Variants in TMEM145 observed in about 807,000 individuals in gnomAD.
The protein encoded by TMEM145 is transmembrane protein 145.
TMEM145 carries 46 observed loss-of-function variants against 68.5 expected under a neutral mutation model. The observed-to-expected ratio is 0.67, with a 90% confidence interval of 0.53 to 0.86. The LOEUF (loss-of-function observed/expected upper bound fraction) is 0.86. TMEM145 is among the 40% of genes least tolerant of loss of function. The pLI, the probability that TMEM145 is intolerant of heterozygous loss-of-function variation, is 0.00. For synonymous variants in TMEM145, 255 were observed against 280.2 expected (o/e 0.91, Z 0.90); for missense variants, 570 against 645.8 (o/e 0.88, Z 1.27).
chr19:42,321,271 C>G, intron 13 of TMEM145: 1 of 394,928 alleles, frequency 2.5e-6, no homozygotes, highest in Non-Finnish European at 4.5e-6. Flanking sequence ...TGTCACTAGG[C>G]TGGAGTGCAG....
intron 14 of TMEM145, among the ~76,000 whole-genome samples, chr19:42,324,068 GC>G (rs1405740095): frequency 6.6e-6 from 1 of 151,742 alleles, no homozygotes; most frequent in East Asian, 1.9e-4. Context: ...CTCCCCGGCC[GC>G]CGCCGGAGTT....
chr19:42,323,935 G>C (rs2038938640), intron 14 of TMEM145, 146 bp downstream of exon 14: 1 of 713,004 alleles, frequency 1.4e-6, no homozygotes, highest in Non-Finnish European at 2.2e-6. Flanking sequence ...CCAACACCGC[G>C]CCGCGACCGT....
chr19:42,317,953 T>G, intron 12 of TMEM145, 72 bp downstream of exon 12: 1 of 1,541,678 alleles, frequency 6.5e-7, no homozygotes, highest in South Asian at 1.1e-5. Context: ...GCCCCCCATC[T>G]CAGACCCTCC....
At chr19:42,315,130 G>C (rs372859706) in intron 6 of TMEM145, 53 bp downstream of exon 6, 3 of 1,614,174 alleles carry the variant, frequency 1.9e-6, no homozygotes, top group Admixed American at 1.7e-5. Flanking sequence ...CCAGAGCTGG[G>C]TGCCCACTGA....
chr19:42,314,378 G>T (rs1448952509), intron 2 of TMEM145, 32 bp downstream of exon 2: 6 of 1,613,960 alleles, frequency 3.7e-6, no homozygotes, highest in Non-Finnish European at 4.2e-6. Flanking sequence ...CCATGCTGAG[G>T]CTGGGTACTT....
chr19:42,314,133 G>A, intron 1 of TMEM145, 139 bp from the exon 2 acceptor site: 1 of 827,300 alleles, frequency 1.2e-6, no homozygotes, highest in Non-Finnish European at 2.0e-6. Context: ...GATCAGGGAA[G>A]GAGTTTGGAG....
chr19:42,313,482 CT>C lies in TMEM145; in HGVS notation c.107del (p.Leu36ProfsTer10). Reference sequence around the variant, plus strand: ...CCGGGCCAAGTACGTGCGGGGCAACCTCAGTTCCAAGGAGGTGAGCATGCCG... The same window carrying C: ...CCGGGCCAAGTACGTGCGGGGCAACCCAGTTCCAAGGAGGTGAGCATGCCG... ...RARAKYVRGN[L>X]SSKEDWVFLT... On this transcript the variant is annotated frameshift_variant, in exon 1 of 15. Transcript: ENST00000301204. LOFTEE classifies it high-confidence loss of function. The surrounding 1 kb of genome is among the most constrained non-coding windows in gnomAD (Gnocchi z 5.1). 7.5e-7 allele frequency: 1 copy of C among 1,328,602 alleles called. No individual in the cohort carries two copies. 82.3% of individuals were successfully genotyped at this position (1,328,602 alleles called of 1,614,324 possible). A position where few individuals can be genotyped will look rare whatever the true frequency, so the allele number is the denominator to read the frequency against.
At position 42,323,577 on chromosome 19, in the gene TMEM145, C is replaced by T. The variant is rs571582147; in HGVS notation, c.1195-6C>T. 8 of 1,613,598 alleles carry T rather than the reference C, an allele frequency of 5.0e-6. No individual in the cohort carries two copies. In the Admixed American group the frequency reaches 8.3e-5, roughly 17 times the overall value. On this transcript the variant is annotated splice_polypyrimidine_tract_variant and splice_region_variant and intron_variant, in intron 13 of 14. Transcript: ENST00000301204. ...CTCTCACACCTGCTCCTGGCCCTGG[C>T]CTCAGATCATGACCCGCCCATCAGC...
rs1726105003 is a variant in TMEM145 at position 42,314,682 on chromosome 19, G to A, written c.343G>A (p.Ala115Thr). 6.2e-7 allele frequency: 1 copy of A among 1,614,204 alleles called. No individual in the cohort carries two copies. Among genetic ancestry groups the A allele is most frequent in the South Asian group, 1.1e-5 (1 of 91,086 alleles). Reference sequence around the variant, plus strand: ...GGTCATCAACCTCACCACCCAGTATGCCTGGTCCGGCTGTCAGGTGCAGGC... The same window carrying A: ...GGTCATCAACCTCACCACCCAGTATACCTGGTCCGGCTGTCAGGTGCAGGC... ...NQVINLTTQY[A>T]WSGCQVVSEE... The change falls in exon 4 of 15, where the codon GCC becomes ACC. Residue 115 changes from alanine to threonine, a missense_variant. Transcript: ENST00000301204.
At chr19:42,319,199 T>A (rs2147419557) in intron 12 of TMEM145, among the ~76,000 whole-genome samples, 1 of 152,316 alleles carries the variant, frequency 6.6e-6, no homozygotes, top group African/African-American at 2.4e-5. Flanking sequence ...AGCCAGACTG[T>A]CCGGGTTCAG....
In TMEM145 at chr19:42,313,504, T is replaced by C; in HGVS notation, c.120+8T>C. The C allele has an allele frequency of 7.8e-7, 1 of 1,279,746 alleles. No individual in the cohort carries two copies. 79.3% of individuals were successfully genotyped at this position (1,279,746 alleles called of 1,614,324 possible). On this transcript the variant is annotated splice_region_variant and intron_variant, in intron 1 of 14. Transcript: ENST00000301204. The surrounding 1 kb of genome is among the most constrained non-coding windows in gnomAD (Gnocchi z 5.1). The stretch of plus-strand genomic sequence containing the variant: ...AACCTCAGTTCCAAGGAGGTGAGCA[T>C]GCCGAGCCCTCCTCTGCGGCCCGCC...
At chr19:42,318,798 T>C (rs1244344769) in intron 12 of TMEM145, among the ~76,000 whole-genome samples, 1 of 150,856 alleles carries the variant, frequency 6.6e-6, no homozygotes, top group Non-Finnish European at 1.5e-5. Context: ...AAAACTATTG[T>C]AGACTGGGTG....
intron 12 of TMEM145, among the ~76,000 whole-genome samples, chr19:42,318,909 C>T (rs2038886184): frequency 6.6e-6 from 1 of 152,008 alleles, no homozygotes; most frequent in Non-Finnish European, 1.5e-5. Flanking sequence ...TGGTAAAACC[C>T]CGTCTTTACT....
Position 42,314,514 on chromosome 19 carries a change from A to T in TMEM145, c.259A>T (p.Lys87Ter). Residue 87 changes from lysine (K) to a stop codon, truncating the protein, a stop_gained, in exon 3 of 15, where the codon AAG becomes TAG. Coordinates refer to ENST00000301204, the MANE Select transcript of TMEM145 (RefSeq NM_173633.3). LOFTEE classifies it high-confidence loss of function. Reference sequence around the variant, plus strand: ...CCCATCCCAGTGGCCAGCCGTGTACAAGGCAGGGGACAAGGTGAGGGCTGT... The same window carrying T: ...CCCATCCCAGTGGCCAGCCGTGTACTAGGCAGGGGACAAGGTGAGGGCTGT... The part of the protein sequence containing the change: ...DDPSQWPAVY[K>*]AGDKDCLAKE... 6.2e-7 allele frequency: 1 copy of T among 1,614,130 alleles called. No homozygotes were observed. Among genetic ancestry groups the T allele is most frequent in the South Asian group, 1.1e-5 (1 of 91,078 alleles).
At chr19:42,317,997 C>A in intron 12 of TMEM145, 116 bp downstream of exon 12, 1 of 1,179,960 alleles carries the variant, frequency 8.5e-7, no homozygotes, top group Non-Finnish European at 1.2e-6. Context: ...ACTCAGGCAG[C>A]TGTTGCCCAG....
chr19:42,324,489 G>C, intron 14 of TMEM145: 1 of 985,368 alleles, frequency 1.0e-6, no homozygotes, highest in Non-Finnish European at 1.2e-6. Context: ...GAATACTTCA[G>C]CATGCACACG....
chr19:42,318,575 T>C (rs1311553249), intron 12 of TMEM145, among the ~76,000 whole-genome samples: 1 of 151,204 alleles, frequency 6.6e-6, no homozygotes, highest in Admixed American at 6.6e-5. Flanking sequence ...TAATCCCAGC[T>C]ACTCAGGAGG....
Position 42,313,310 on chromosome 19 carries a change from C to T in TMEM145, c.-67C>T. The T allele has an allele frequency of 1.8e-6, 1 of 562,846 alleles. No individual in the cohort carries two copies. The highest frequency in any genetic ancestry group is 2.6e-6 in the Non-Finnish European group (1 of 388,522). 34.9% of individuals were successfully genotyped at this position (562,846 alleles called of 1,614,324 possible). A position where few individuals can be genotyped will look rare whatever the true frequency, so the allele number is the denominator to read the frequency against. ...TCGGGGGCGCGCGCTGGCCAGCCCG[C>T]GCGCTCTCGCCTCCATTGCCGGGCC... On this transcript the variant is annotated 5_prime_UTR_variant, in exon 1 of 15. Transcript: ENST00000301204. The surrounding 1 kb of genome is among the most constrained non-coding windows in gnomAD (Gnocchi z 5.1).
intron 14 of TMEM145, 45 bp from the exon 15 acceptor site, chr19:42,324,688 CTGTG>C: frequency 1.2e-6 from 1 of 838,192 alleles, no homozygotes; most frequent in Non-Finnish European, 1.6e-6. Context: ...CCCCTCCCCT[CTGTG>C]CCAAACGGTC....
Sources: gnomAD v4.1 joint callset for allele counts (sites outside exome capture counted in the v4.1 genomes callset) on GRCh38, gnomAD v4.1.1 for gene constraint, Gnocchi (gnomAD v3.1) non-coding constraint, MANE v1.5 for transcripts, NCBI Gene and HGNC (gene_info 2026-07-23, HGNC 2026-07-21) for gene names.